Variants in DMD observed in about 807,000 individuals in gnomAD.
DMD encodes the protein dystrophin.
Under a neutral mutation model 330.1 loss-of-function variants are expected in DMD, and 63 were observed. That is an observed-to-expected ratio of 0.19 (90% CI 0.16 to 0.24). The LOEUF (loss-of-function observed/expected upper bound fraction) is 0.24, where lower values mean the gene tolerates loss of function less well. Ranked by LOEUF, DMD falls within the 10% of genes least tolerant of loss-of-function variation. The pLI is 1.00. For synonymous variants in DMD, 1,223 were observed against 959.8 expected, an observed-to-expected ratio of 1.27 and a Z score of -5.07; for missense variants, 3,344 against 2,684.1, an observed-to-expected ratio of 1.25 and a Z score of -5.43.
At chrX:31,889,631 T>C (rs966292354) in intron 47 of DMD, among the ~76,000 whole-genome samples, 1 of 69,168 alleles carries the variant, frequency 1.4e-5, no homozygotes, top group East Asian at 5.4e-4. Flanking sequence ...TCTCTCTCTC[T>C]CTCTCTCTCT....
chrX:32,615,454 T>A (rs2057489545), intron 11 of DMD, among the ~76,000 whole-genome samples: 1 of 111,564 alleles, frequency 9.0e-6, no homozygotes. Context: ...AAACACATTA[T>A]TGTTCATTCA....
chrX:32,768,281 G>C (rs1287399850), intron 7 of DMD, among the ~76,000 whole-genome samples: 2 of 111,878 alleles, frequency 1.8e-5, no homozygotes, highest in Middle Eastern at 4.3e-3. Flanking sequence ...TTTAGAATTT[G>C]GGGAATAGAG....
intron 1 of DMD, chrX:33,128,441 C>T: frequency 1.0e-6 from 1 of 957,137 alleles, no homozygotes; most frequent in African/African-American, 2.0e-5. Context: ...TGCAAACACT[C>T]CCCTCTCACA....
At chrX:33,004,466 T>C (rs1445817934) in intron 2 of DMD, among the ~76,000 whole-genome samples, 1 of 111,752 alleles carries the variant, frequency 8.9e-6, no homozygotes, top group Non-Finnish European at 1.9e-5. Context: ...GATAGAAATA[T>C]ATTTTTACAA....
rs533407633 is a variant in DMD at position 32,044,712 on chromosome X, G to A, written c.6439-76198C>T. On this transcript the variant is annotated intron_variant, in intron 44 of 78. Transcript: ENST00000357033. ...GCTGGGATTACAGGCGTGAGCCTCC[G>A]CACCCAGCCTATATCATTGTTATTA... Among the ~76,000 whole-genome samples, 161 of 111,664 alleles carry A rather than the reference G, an allele frequency of 1.4e-3. No individual in the cohort carries two copies. In the South Asian group the frequency reaches 0.018, roughly 12 times the overall value.
rs150883655 is a variant in DMD, at chrX:32,455,474, G to T, written c.3433-642C>A. Among the ~76,000 whole-genome samples the T allele has an allele frequency of 8.0e-3, 892 of 111,035 alleles. 2 individuals carry two copies. Among genetic ancestry groups the T allele is most frequent in the Non-Finnish European group, 0.013 (671 of 52,470 alleles). ...AAGAGCCCATTTTGGGCAGGGATGTGGGAAAATCAAAGTTTTTATACTTGT... is the reference window on the plus strand; with the variant it reads ...AAGAGCCCATTTTGGGCAGGGATGTTGGAAAATCAAAGTTTTTATACTTGT... On this transcript the variant is annotated intron_variant, in intron 25 of 78. Transcript: ENST00000357033.
chrX:31,171,238 C>T (rs2039963889), intron 73 of DMD, among the ~76,000 whole-genome samples: 1 of 111,917 alleles, frequency 8.9e-6, no homozygotes, highest in Non-Finnish European at 1.9e-5. Context: ...ATACAAATGA[C>T]TGAGGGTTGA....
intron 55 of DMD, among the ~76,000 whole-genome samples, chrX:31,508,022 T>C (rs1006216074): frequency 2.7e-5 from 3 of 112,133 alleles, no homozygotes; most frequent in African/African-American, 9.7e-5. Flanking sequence ...CTTGGTATTA[T>C]AGCATCATAC....
chrX:31,703,767 G>A (rs1376057179), intron 52 of DMD, among the ~76,000 whole-genome samples: 1 of 111,501 alleles, frequency 9.0e-6, no homozygotes, highest in East Asian at 2.8e-4. Flanking sequence ...ATGAATTGAT[G>A]AAGTGTAGCC....
intron 7 of DMD, among the ~76,000 whole-genome samples, chrX:32,773,547 T>TCC (rs762638851): frequency 5.0e-4 from 52 of 103,710 alleles, no homozygotes; most frequent in African/African-American, 1.6e-3. Flanking sequence ...TATTTACCAC[T>TCC]CCCTCCTTAT....
chrX:31,372,883 G>C (rs757478812), intron 60 of DMD, among the ~76,000 whole-genome samples: 1,415 of 111,503 alleles, frequency 0.013, 32 homozygotes, highest in African/African-American at 0.044. Context: ...AAGTCAAATT[G>C]TCCCTGTTTG....
chrX:32,689,245 A>C (rs1382179270), intron 9 of DMD, among the ~76,000 whole-genome samples: 1 of 110,579 alleles, frequency 9.0e-6, no homozygotes, highest in Non-Finnish European at 1.9e-5. Context: ...GGACTATAAC[A>C]CAATAACGCT....
At chrX:32,398,790 C>A (rs952564792) in intron 30 of DMD, among the ~76,000 whole-genome samples, 1 of 111,193 alleles carries the variant, frequency 9.0e-6, no homozygotes, top group Non-Finnish European at 1.9e-5. Context: ...CAAATATATC[C>A]TAAGCAAAAA....
intron 55 of DMD, among the ~76,000 whole-genome samples, chrX:31,513,166 G>T (rs2071819350): frequency 1.1e-5 from 1 of 93,151 alleles, no homozygotes; most frequent in Non-Finnish European, 2.1e-5. Flanking sequence ...GAATGCTTGT[G>T]ATTTTTGTAC....
intron 41 of DMD, among the ~76,000 whole-genome samples, chrX:32,324,327 T>C (rs2097639012): frequency 9.0e-6 from 1 of 111,304 alleles, no homozygotes; most frequent in South Asian, 3.7e-4. Context: ...ACACTCCATC[T>C]ATAGGCTGTT....
At chrX:32,068,564 C>T (rs1311760703) in intron 44 of DMD, among the ~76,000 whole-genome samples, 1 of 109,968 alleles carries the variant, frequency 9.1e-6, no homozygotes, top group Non-Finnish European at 1.9e-5. Flanking sequence ...GAACAGTTGG[C>T]TGTAGCTGTG....
chrX:32,688,679 G>C (rs2063059076), intron 9 of DMD, among the ~76,000 whole-genome samples: 1 of 111,266 alleles, frequency 9.0e-6, no homozygotes, highest in Admixed American at 9.6e-5. Context: ...GAGTAATAGA[G>C]AGAAAATAGC....
chrX:32,647,191 TA>T (rs1338130713), intron 9 of DMD, among the ~76,000 whole-genome samples: 1 of 111,619 alleles, frequency 9.0e-6, no homozygotes, highest in East Asian at 2.8e-4. Context: ...TAAATAATTT[TA>T]TTTTTGAATT....
chrX:33,209,273 T>A (rs1481035499), intron 1 of DMD, among the ~76,000 whole-genome samples: 1 of 111,670 alleles, frequency 9.0e-6, no homozygotes, highest in Non-Finnish European at 1.9e-5. Flanking sequence ...TAACAGTATA[T>A]CATCAATTTA....
Sources: allele counts gnomAD v4.1 joint callset (sites outside exome capture counted in the v4.1 genomes callset), GRCh38; gene constraint gnomAD v4.1.1; transcripts MANE v1.5; gene names NCBI Gene and HGNC (gene_info 2026-07-23, HGNC 2026-07-21).